Variants in CNKSR3 observed in about 807,000 individuals in gnomAD.
The protein encoded by CNKSR3 is connector enhancer of kinase suppressor of ras 3.
CNKSR3 carries 36 observed loss-of-function variants against 67.7 expected under a neutral mutation model. That is an observed-to-expected ratio of 0.53 (90% CI 0.41 to 0.70). CNKSR3 has a LOEUF of 0.70. Ranked by LOEUF, CNKSR3 falls within the 30% of genes least tolerant of loss-of-function variation. CNKSR3 has a pLI of 0.00. For synonymous variants in CNKSR3, 281 were observed against 271.4 expected (o/e 1.04, Z -0.35); for missense variants, 630 against 695.2 (o/e 0.91, Z 1.05).
At chr6:154,429,654 G>A (rs1266558086) in intron 6 of CNKSR3, among the ~76,000 whole-genome samples, 1 of 152,070 alleles carries the variant, frequency 6.6e-6, no homozygotes, top group Admixed American at 6.5e-5. Context: ...TTTTCTAAGA[G>A]CAGAGACTGC....
intron 1 of CNKSR3, among the ~76,000 whole-genome samples, chr6:154,491,579 C>T (rs1308247720): frequency 6.6e-6 from 1 of 151,992 alleles, no homozygotes; most frequent in African/African-American, 2.4e-5. Flanking sequence ...CTGTCCATTA[C>T]AAATCTTTTC....
chr6:154,488,490 A>G (rs764139305), intron 1 of CNKSR3, among the ~76,000 whole-genome samples: 70 of 152,360 alleles, frequency 4.6e-4, no homozygotes, highest in Non-Finnish European at 6.9e-4. Context: ...GGAACATTAC[A>G]TATCAAGTTA....
chr6:154,407,226 G>T (rs985252830), intron 12 of CNKSR3, among the ~76,000 whole-genome samples: 66 of 152,294 alleles, frequency 4.3e-4, no homozygotes, highest in African/African-American at 1.5e-3. Flanking sequence ...AGAGTGTAGT[G>T]TCCCCGCGAT....
At chr6:154,472,190 A>G (rs1786344465) in intron 1 of CNKSR3, among the ~76,000 whole-genome samples, 2 of 152,152 alleles carry the variant, frequency 1.3e-5, no homozygotes, top group Admixed American at 1.3e-4. Context: ...CACACACACA[A>G]TGCACTGGTT....
Position 154,411,037 on chromosome 6 carries a change from G to A in CNKSR3, c.1176C>T (p.Ser392=), listed in dbSNP as rs991417519. The A allele has an allele frequency of 3.1e-6, 5 of 1,613,962 alleles. No individual in the cohort carries two copies. The African/African-American group carries it at 6.7e-5, about 22-fold the overall frequency. The change falls in exon 11 of 13, where the codon AGC becomes AGT. Residue 392 remains serine, a synonymous_variant. Coordinates refer to ENST00000607772, the MANE Select transcript of CNKSR3 (RefSeq NM_173515.4). ...ESPNSFLDQE[S]RRRRFTIADS... is the part of the protein sequence containing the mutation. ...CTGCAATGGTGAATCTTCGTCTCCG[G>A]CTTTCCTGGTCCAAGAAGGAATTCG...
At chr6:154,459,471 TAA>T (rs1038296186) in intron 1 of CNKSR3, among the ~76,000 whole-genome samples, 26 of 152,146 alleles carry the variant, frequency 1.7e-4, no homozygotes, top group Non-Finnish European at 1.5e-5. Flanking sequence ...GAAGAGAAAA[TAA>T]AAGTTTAGAC....
At chr6:154,447,816 C>T (rs1223152635) in intron 2 of CNKSR3, among the ~76,000 whole-genome samples, 2 of 152,202 alleles carry the variant, frequency 1.3e-5, no homozygotes, top group Admixed American at 1.3e-4. Flanking sequence ...TGCATTTACA[C>T]ATTAACTGCC....
chr6:154,430,605 A>C lies in CNKSR3; in HGVS notation c.550-14T>G. The C allele has an allele frequency of 6.2e-7, 1 of 1,600,394 alleles. No individual in the cohort carries two copies. Among genetic ancestry groups the C allele is most frequent in the Non-Finnish European group, 8.5e-7 (1 of 1,176,092 alleles). On this transcript the variant is annotated splice_polypyrimidine_tract_variant and intron_variant, in intron 5 of 12. Transcript: ENST00000607772. ...TAAAACCTTGACCTAGAATTGGAGA[A>C]GCAAATAGTCAGGAAAGTTCAATCA...
At position 154,468,165 on chromosome 6, in the gene CNKSR3, C is replaced by A. The variant is rs185350024; in HGVS notation, c.53-17907G>T. On this transcript the variant is annotated intron_variant, in intron 1 of 12. Coordinates refer to ENST00000607772, the MANE Select transcript of CNKSR3 (RefSeq NM_173515.4). ...GATCTTGGCTCACTGCAGCCTCCAC[C>A]TCTTGGGTTCAAGCAACTCTCCTGC... Among the ~76,000 whole-genome samples the A allele has an allele frequency of 1.3e-4, 20 of 151,018 alleles. No homozygotes were observed. The East Asian group carries it at 3.9e-3, about 29-fold the overall frequency.
chr6:154,425,445 C>G (rs547076548), intron 7 of CNKSR3, among the ~76,000 whole-genome samples: 2 of 152,184 alleles, frequency 1.3e-5, no homozygotes, highest in Non-Finnish European at 2.9e-5. Context: ...CTGCCCAGGG[C>G]AGTAGCTCTT....
chr6:154,413,016 T>A (rs1784940572), intron 10 of CNKSR3, among the ~76,000 whole-genome samples: 1 of 151,974 alleles, frequency 6.6e-6, no homozygotes, highest in African/African-American at 2.4e-5. Flanking sequence ...AATATGTGAG[T>A]TGATAAAAAT....
intron 5 of CNKSR3, 74 bp from the exon 6 acceptor site, chr6:154,430,665 A>G: frequency 1.4e-6 from 2 of 1,393,314 alleles, no homozygotes; most frequent in Non-Finnish European, 2.0e-6. Flanking sequence ...TTTTTAGAGA[A>G]ATGCATTTCA....
chr6:154,433,603 GAC>G (rs1785412999), intron 4 of CNKSR3, 96 bp from the exon 5 acceptor site: 2 of 859,258 alleles, frequency 2.3e-6, no homozygotes, highest in Non-Finnish European at 3.8e-6. Context: ...TGCAGCTCAA[GAC>G]GGTCCCTGAC....
chr6:154,436,182 G>A (rs535650472), intron 4 of CNKSR3, among the ~76,000 whole-genome samples: 5 of 152,200 alleles, frequency 3.3e-5, no homozygotes, highest in African/African-American at 1.2e-4. Context: ...CTTTCTTCTC[G>A]TGTATGTGAC....
intron 1 of CNKSR3, among the ~76,000 whole-genome samples, chr6:154,509,729 G>C (rs1037043340): frequency 6.6e-6 from 1 of 152,112 alleles, no homozygotes. Flanking sequence ...GCACCGCACC[G>C]GGGCCAGGCA....
chr6:154,474,930 C>T (rs988210542), intron 1 of CNKSR3, among the ~76,000 whole-genome samples: 7 of 152,156 alleles, frequency 4.6e-5, no homozygotes, highest in African/African-American at 9.7e-5. Flanking sequence ...GCAGAGACTG[C>T]GGGCCTCAGG....
chr6:154,482,017 T>C (rs1486075982), intron 1 of CNKSR3, among the ~76,000 whole-genome samples: 1 of 152,166 alleles, frequency 6.6e-6, no homozygotes, highest in Non-Finnish European at 1.5e-5. Flanking sequence ...CGTGACCCCT[T>C]CCAAAGAGTT....
rs991653005 is a variant in CNKSR3 at position 154,390,315 on chromosome 6, G to A, written c.*16039C>T. 9.2e-5 allele frequency: 14 copies of A among 152,178 alleles called. No individual in the cohort carries two copies. The highest frequency in any genetic ancestry group is 3.4e-4 in the African/African-American group (14 of 41,424). 9.4% of individuals were successfully genotyped at this position (152,178 alleles called of 1,614,324 possible). On this transcript the variant is annotated 3_prime_UTR_variant, in exon 13 of 13. Transcript: ENST00000607772. ...CCCCTTGACTGTCAACTCTGCAGCT[G>A]GGCCAACCATACACACCCAGAGTTC...
intron 1 of CNKSR3, among the ~76,000 whole-genome samples, chr6:154,505,797 G>A (rs1199862802): frequency 6.6e-6 from 1 of 152,066 alleles, no homozygotes; most frequent in Non-Finnish European, 1.5e-5. Flanking sequence ...ACCGCGCCTG[G>A]CCAACTACAC....
Sources: gnomAD v4.1 joint callset for allele counts (sites outside exome capture counted in the v4.1 genomes callset) on GRCh38, gnomAD v4.1.1 for gene constraint, MANE v1.5 for transcripts, NCBI Gene and HGNC (gene_info 2026-07-23, HGNC 2026-07-21) for gene names.